The following CSMD1 variants were observed in gnomAD, a reference collection of about 807,000 sequenced individuals.
The protein encoded by CSMD1 is CUB and sushi domain-containing protein 1.
Under a neutral mutation model 417.5 loss-of-function variants are expected in CSMD1, and 213 were observed. The ratio of observed to expected loss-of-function variants is 0.51; its 90% CI spans 0.46 to 0.57. CSMD1 has a LOEUF of 0.57. Ranked by LOEUF, CSMD1 falls within the 20% of genes least tolerant of loss-of-function variation. CSMD1 has a pLI of 0.00. For synonymous variants in CSMD1, 2,862 were observed against 1,736.8 expected, an observed-to-expected ratio of 1.65 and a Z score of -16.11; for missense variants, 6,923 against 4,529.7, an observed-to-expected ratio of 1.53 and a Z score of -15.17.
chr8:3,307,617 G>A (rs965381417), intron 25 of CSMD1, 78 bp downstream of exon 25: 29 of 1,419,842 alleles, frequency 2.0e-5, no homozygotes, highest in Non-Finnish European at 2.7e-5. Context: ...TGGATATTTG[G>A]TGTACCACTA....
intron 44 of CSMD1, among the ~76,000 whole-genome samples, chr8:3,108,326 T>C (rs1277513259): frequency 2.0e-5 from 3 of 152,190 alleles, no homozygotes; most frequent in African/African-American, 2.4e-5. Flanking sequence ...AGTAAATCTA[T>C]AAAAGGTACC....
At chr8:4,673,724 G>C (rs776257617) in intron 1 of CSMD1, among the ~76,000 whole-genome samples, 3 of 152,148 alleles carry the variant, frequency 2.0e-5, no homozygotes, top group Non-Finnish European at 2.9e-5. Context: ...ATTAAATCTT[G>C]ACGACATAAT....
chr8:4,955,253 C>T (rs927486065), intron 1 of CSMD1, among the ~76,000 whole-genome samples: 1 of 152,126 alleles, frequency 6.6e-6, no homozygotes, highest in African/African-American at 2.4e-5. Flanking sequence ...CTTTGAAACA[C>T]AGTCATCCTT....
At chr8:4,627,828 T>C (rs751770624) in intron 2 of CSMD1, among the ~76,000 whole-genome samples, 3 of 152,120 alleles carry the variant, frequency 2.0e-5, no homozygotes, top group Non-Finnish European at 4.4e-5. Flanking sequence ...TACAGACAAT[T>C]CTAGATATTG....
chr8:4,204,699 G>C (rs1015677256), intron 3 of CSMD1, among the ~76,000 whole-genome samples: 2 of 152,092 alleles, frequency 1.3e-5, no homozygotes, highest in Non-Finnish European at 2.9e-5. Context: ...CTGTCACCCA[G>C]GCTGGAATGC....
intron 1 of CSMD1, among the ~76,000 whole-genome samples, chr8:4,964,285 G>A (rs1809702231): frequency 6.6e-6 from 1 of 151,706 alleles, no homozygotes; most frequent in Non-Finnish European, 1.5e-5. Context: ...AGGCAAAGGG[G>A]GGCAAATTGC....
At chr8:2,998,318 G>C (rs562948906) in intron 53 of CSMD1, 134 bp from the exon 54 acceptor site, 2 of 785,606 alleles carry the variant, frequency 2.5e-6, no homozygotes, top group South Asian at 1.9e-5. Flanking sequence ...GCAGCTTACA[G>C]ATGGTATTTA....
chr8:3,905,304 A>G (rs1808041586), intron 5 of CSMD1, among the ~76,000 whole-genome samples: 1 of 152,218 alleles, frequency 6.6e-6, no homozygotes, highest in Non-Finnish European at 1.5e-5. Context: ...AACTTAAAGA[A>G]GGTTAGTGAC....
intron 3 of CSMD1, among the ~76,000 whole-genome samples, chr8:4,405,264 A>T (rs911998093): frequency 6.6e-6 from 1 of 152,152 alleles, no homozygotes; most frequent in African/African-American, 2.4e-5. Flanking sequence ...AAGAGAAGTC[A>T]AAAAAGGAAA....
At chr8:3,842,884 G>C (rs1050315571) in intron 5 of CSMD1, among the ~76,000 whole-genome samples, 1 of 152,064 alleles carries the variant, frequency 6.6e-6, no homozygotes, top group Non-Finnish European at 1.5e-5. Context: ...TCACAAACTT[G>C]ACATTACAAA....
At chr8:4,856,849 CAGATCAACGAGACAGAA>C (rs1000526335) in intron 1 of CSMD1, among the ~76,000 whole-genome samples, 1 of 152,000 alleles carries the variant, frequency 6.6e-6, no homozygotes, top group African/African-American at 2.4e-5. Flanking sequence ...CAACATTACA[CAGATCAACGAGACAGAA>C]AGTCAACAAG....
intron 3 of CSMD1, among the ~76,000 whole-genome samples, chr8:4,088,523 G>T (rs1246436907): frequency 6.6e-6 from 1 of 152,052 alleles, no homozygotes; most frequent in Admixed American, 6.6e-5. Flanking sequence ...CATGTCACTG[G>T]TTAGGATGCA....
At chr8:4,507,802 G>A (rs1000359597) in intron 2 of CSMD1, among the ~76,000 whole-genome samples, 2 of 152,166 alleles carry the variant, frequency 1.3e-5, no homozygotes, top group African/African-American at 4.8e-5. Context: ...AGCTTTATAT[G>A]AGAATGTCTG....
chr8:3,480,666 G>GA (rs1208072957), intron 11 of CSMD1, among the ~76,000 whole-genome samples: 3 of 151,836 alleles, frequency 2.0e-5, no homozygotes, highest in Admixed American at 1.3e-4. Flanking sequence ...ACTAAAGACA[G>GA]AAAAAACAAC....
intron 54 of CSMD1, among the ~76,000 whole-genome samples, chr8:2,983,727 A>T (rs1249120911): frequency 6.6e-6 from 1 of 152,198 alleles, no homozygotes; most frequent in Non-Finnish European, 1.5e-5. Flanking sequence ...AAGAAAGTAT[A>T]AGCAACTATG....
At chr8:4,678,244 C>G (rs903626895) in intron 1 of CSMD1, among the ~76,000 whole-genome samples, 3 of 151,828 alleles carry the variant, frequency 2.0e-5, no homozygotes, top group Non-Finnish European at 2.9e-5. Context: ...AACCCTGTCT[C>G]TAATGAAAAT....
At chr8:3,915,109 A>C (rs141349387) in intron 5 of CSMD1, among the ~76,000 whole-genome samples, 225 of 152,228 alleles carry the variant, frequency 1.5e-3, no homozygotes, top group African/African-American at 5.1e-3. Context: ...TGAAGAGTCA[A>C]GAGTTTAGGT....
At chr8:3,541,478 G>A (rs1387468170) in intron 10 of CSMD1, among the ~76,000 whole-genome samples, 1 of 151,564 alleles carries the variant, frequency 6.6e-6, no homozygotes, top group Non-Finnish European at 1.5e-5. Context: ...CATGGTTCAT[G>A]TTTACCGAAA....
chr8:3,379,390 A>G (rs951763733), intron 18 of CSMD1, among the ~76,000 whole-genome samples: 1 of 152,224 alleles, frequency 6.6e-6, no homozygotes, highest in African/African-American at 2.4e-5. Context: ...TGAATTAGAA[A>G]AAACTACTTA....
Sources: gnomAD v4.1 joint callset for allele counts (sites outside exome capture counted in the v4.1 genomes callset) on GRCh38, gnomAD v4.1.1 for gene constraint, MANE v1.5 for transcripts, NCBI Gene and HGNC (gene_info 2026-07-23, HGNC 2026-07-21) for gene names.